WWOX: variants seen among roughly 807,000 people sequenced by gnomAD.
WWOX encodes the protein WW domain-containing oxidoreductase.
In WWOX, 69 loss-of-function variants were observed where a neutral mutation model predicts 46.2. The ratio of observed to expected loss-of-function variants is 1.49; its 90% confidence interval spans 1.23 to 1.82. The LOEUF is 1.82. Among genes scored for constraint, WWOX ranks in the 40% most tolerant of loss-of-function variants. The probability of loss-of-function intolerance (pLI) is 0.00; values close to 1 mark genes in which losing one functional copy is unlikely to be tolerated. For missense variants in WWOX, 919 were observed against 542.6 expected (o/e 1.69, Z -6.89); for synonymous variants, 359 against 202.6 (o/e 1.77, Z -6.56).
chr16:79,073,252 T>C (rs1262934748), intron 8 of WWOX, among the ~76,000 whole-genome samples: 5 of 151,824 alleles, frequency 3.3e-5, no homozygotes, highest in Admixed American at 2.6e-4. Flanking sequence ...CGATCGCAGC[T>C]CACTGCGACC....
chr16:78,741,920 G>T (rs923404696), intron 8 of WWOX, among the ~76,000 whole-genome samples: 1 of 152,122 alleles, frequency 6.6e-6, no homozygotes, highest in African/African-American at 2.4e-5. Flanking sequence ...GATAAACAAT[G>T]GATAATTTTT....
At chr16:78,728,220 A>G (rs990437603) in intron 8 of WWOX, among the ~76,000 whole-genome samples, 5 of 151,532 alleles carry the variant, frequency 3.3e-5, no homozygotes, top group African/African-American at 1.2e-4. Flanking sequence ...ACATGCCACT[A>G]CACCTAGTTG....
At chr16:78,652,631 A>C (rs67478082) in intron 8 of WWOX, among the ~76,000 whole-genome samples, 8,229 of 152,222 alleles carry the variant, frequency 0.054, 291 homozygotes, top group Non-Finnish European at 0.076. Flanking sequence ...TCATTAGCAC[A>C]CAGCCAAGAT....
chr16:78,774,499 TG>T (rs1567550952), intron 8 of WWOX, among the ~76,000 whole-genome samples: 22 of 17,452 alleles, frequency 1.3e-3, no homozygotes, highest in African/African-American at 3.4e-3. Flanking sequence ...ACCCATTTTG[TG>T]TGTGTGTGTG....
rs184218189 is a variant in WWOX at position 79,153,738 on chromosome 16, G to C, written c.1057-57870G>C. ...TAAAGGTTAGTGAAAGCAACCTTTA[G>C]TATCATCTGTTTTTTGGGGGGGGTT... On this transcript the variant is annotated intron_variant, in intron 8 of 8. Transcript: ENST00000566780. 5.1e-4 allele frequency among the ~76,000 whole-genome samples: 78 copies of C among 152,166 alleles called. 1 individual carries two copies. The highest frequency in any genetic ancestry group is 1.9e-3 in the African/African-American group (77 of 41,502).
chr16:78,111,734 G>A (rs747048155), intron 3 of WWOX: 7 of 155,960 alleles, frequency 4.5e-5, no homozygotes, highest in African/African-American at 9.6e-5. Context: ...TGCTCCTCCC[G>A]TACTCCTGGT....
intron 8 of WWOX, among the ~76,000 whole-genome samples, chr16:79,031,770 T>G (rs1168672504): frequency 2.1e-5 from 3 of 143,874 alleles, no homozygotes; most frequent in Admixed American, 1.4e-4. Context: ...ATATATATAA[T>G]ATATAGAAAG....
At chr16:78,939,949 T>C (rs1039161282) in intron 8 of WWOX, among the ~76,000 whole-genome samples, 3 of 152,214 alleles carry the variant, frequency 2.0e-5, no homozygotes, top group African/African-American at 7.2e-5. Context: ...CCCACCCAGA[T>C]AGAATATTCA....
chr16:78,805,429 T>TG (rs906115510), intron 8 of WWOX, among the ~76,000 whole-genome samples: 3 of 149,786 alleles, frequency 2.0e-5, no homozygotes, highest in African/African-American at 7.4e-5. Flanking sequence ...CCTGGCTAAT[T>TG]TTTTTTTTTG....
At chr16:78,556,707 T>G (rs923537670) in intron 8 of WWOX, among the ~76,000 whole-genome samples, 4 of 152,050 alleles carry the variant, frequency 2.6e-5, no homozygotes, top group Non-Finnish European at 5.9e-5. Flanking sequence ...GCAAACACAT[T>G]TTTTATTTAT....
At chr16:78,825,646 G>A in intron 8 of WWOX, 1 of 519,988 alleles carries the variant, frequency 1.9e-6, no homozygotes, top group Non-Finnish European at 3.8e-6. Context: ...GGTGGGCTGT[G>A]GTTCATCATG....
At chr16:78,642,435 T>C (rs1221902868) in intron 8 of WWOX, among the ~76,000 whole-genome samples, 4 of 152,188 alleles carry the variant, frequency 2.6e-5, no homozygotes, top group Non-Finnish European at 5.9e-5. Context: ...GCTCCCTGCT[T>C]TTATTTCGGC....
intron 5 of WWOX, among the ~76,000 whole-genome samples, chr16:78,299,521 CTTTTT>C (rs997647456): frequency 2.1e-5 from 3 of 141,826 alleles, no homozygotes; most frequent in African/African-American, 7.9e-5. Flanking sequence ...CTTTTCTTTT[CTTTTT>C]TTTTTTTTTG....
chr16:78,934,254 C>T (rs528886684), intron 8 of WWOX, among the ~76,000 whole-genome samples: 47 of 147,332 alleles, frequency 3.2e-4, no homozygotes, highest in Non-Finnish European at 4.9e-4. Context: ...AGGAGAATGG[C>T]GTGAACCCAG....
chr16:78,415,113 T>C (rs1241355825), intron 6 of WWOX, among the ~76,000 whole-genome samples: 3 of 148,706 alleles, frequency 2.0e-5, no homozygotes, highest in Non-Finnish European at 4.5e-5. Context: ...TTATATATAA[T>C]ATATATTTTA....
At chr16:78,694,101 G>A (rs1456812767) in intron 8 of WWOX, among the ~76,000 whole-genome samples, 3 of 152,114 alleles carry the variant, frequency 2.0e-5, no homozygotes, top group Non-Finnish European at 1.5e-5. Context: ...GCGTGGTAGT[G>A]TGTGCATATA....
At chr16:78,923,794 G>GTTTTTTT (rs56852814) in intron 8 of WWOX, among the ~76,000 whole-genome samples, 2 of 102,166 alleles carry the variant, frequency 2.0e-5, no homozygotes, top group Non-Finnish European at 3.5e-5. Flanking sequence ...TTTTTAGTTA[G>GTTTTTTT]TTTTTTTTTT....
chr16:78,716,065 G>C (rs1427905949), intron 8 of WWOX, among the ~76,000 whole-genome samples: 1 of 150,266 alleles, frequency 6.7e-6, no homozygotes, highest in African/African-American at 2.5e-5. Context: ...CTAAAGGAAA[G>C]GGGAAAAAAA....
At chr16:78,233,753 T>A (rs1213298931) in intron 5 of WWOX, among the ~76,000 whole-genome samples, 2 of 152,118 alleles carry the variant, frequency 1.3e-5, no homozygotes, top group Admixed American at 1.3e-4. Context: ...GGTCTAGATC[T>A]CCTGACCTGG....
Sources: gnomAD v4.1 joint callset for allele counts (sites outside exome capture counted in the v4.1 genomes callset) on GRCh38, gnomAD v4.1.1 for gene constraint, MANE v1.5 for transcripts, NCBI Gene and HGNC (gene_info 2026-07-23, HGNC 2026-07-21) for gene names.